Variants in CDH12 observed in about 807,000 individuals in gnomAD.
CDH12 encodes cadherin 12, also known as cadherin-12.
A neutral mutation model predicts 74.1 loss-of-function variants in CDH12; 41 were observed. The ratio of observed to expected loss-of-function variants is 0.55; its 90% CI spans 0.43 to 0.72. The LOEUF is 0.72. CDH12 is among the 30% of genes least tolerant of loss of function. CDH12 has a pLI of 0.00. For missense variants in CDH12, 945 were observed against 977.2 expected (o/e 0.97, Z 0.44); for synonymous variants, 399 against 355.0 (o/e 1.12, Z -1.39).
intron 3 of CDH12, among the ~76,000 whole-genome samples, chr5:22,392,648 G>A (rs555678919): frequency 6.6e-6 from 1 of 152,250 alleles, no homozygotes; most frequent in South Asian, 2.1e-4. Context: ...TCTCATTCAA[G>A]TCATTATTGA....
intron 4 of CDH12, among the ~76,000 whole-genome samples, chr5:22,086,541 G>T (rs1339988705): frequency 1.3e-5 from 2 of 151,394 alleles, no homozygotes; most frequent in Non-Finnish European, 2.9e-5. Context: ...TTGTTTGTTT[G>T]TTTTTTGCAT....
intron 1 of CDH12, among the ~76,000 whole-genome samples, chr5:22,600,498 G>A (rs1371879324): frequency 6.6e-6 from 1 of 152,024 alleles, no homozygotes; most frequent in Non-Finnish European, 1.5e-5. Context: ...TTGCTGTACT[G>A]TAATAATGCT....
At chr5:22,298,882 C>T (rs912411968) in intron 3 of CDH12, among the ~76,000 whole-genome samples, 2 of 152,192 alleles carry the variant, frequency 1.3e-5, no homozygotes, top group African/African-American at 4.8e-5. Context: ...TTCCTCTTGA[C>T]TCCATATAAT....
At chr5:22,741,520 T>A (rs1478043530) in intron 1 of CDH12, among the ~76,000 whole-genome samples, 1 of 152,148 alleles carries the variant, frequency 6.6e-6, no homozygotes, top group Non-Finnish European at 1.5e-5. Flanking sequence ...GAAGTATGTC[T>A]AGAGGTAGGG....
At chr5:21,909,855 AT>A (rs1445746437) in intron 6 of CDH12, among the ~76,000 whole-genome samples, 1 of 152,172 alleles carries the variant, frequency 6.6e-6, no homozygotes, top group Admixed American at 6.5e-5. Flanking sequence ...CTCATTGATT[AT>A]AACATCATCA....
intron 2 of CDH12, among the ~76,000 whole-genome samples, chr5:22,417,435 C>T (rs1743445606): frequency 6.6e-6 from 1 of 152,134 alleles, no homozygotes; most frequent in Admixed American, 6.6e-5. Context: ...AGCCTCTTTC[C>T]TTTTCTTTCT....
At chr5:22,235,324 C>T (rs1223046988) in intron 3 of CDH12, among the ~76,000 whole-genome samples, 1 of 152,094 alleles carries the variant, frequency 6.6e-6, no homozygotes, top group Non-Finnish European at 1.5e-5. Context: ...GCTCACGTCT[C>T]TATTACAGCA....
At chr5:22,194,930 C>T (rs1404919144) in intron 4 of CDH12, among the ~76,000 whole-genome samples, 1 of 151,978 alleles carries the variant, frequency 6.6e-6, no homozygotes, top group Non-Finnish European at 1.5e-5. Context: ...TAAGCGAGCA[C>T]CTTGGGAGTT....
intron 6 of CDH12, among the ~76,000 whole-genome samples, chr5:21,880,062 AT>A (rs1399779126): frequency 6.6e-6 from 1 of 152,232 alleles, no homozygotes; most frequent in African/African-American, 2.4e-5. Flanking sequence ...CCACCTGGCA[AT>A]CTGGAGTCCA....
At chr5:22,685,952 C>T (rs916816339) in intron 1 of CDH12, among the ~76,000 whole-genome samples, 6 of 152,094 alleles carry the variant, frequency 3.9e-5, no homozygotes, top group Non-Finnish European at 8.8e-5. Context: ...TTATAGTTGG[C>T]ATATTGAAGA....
intron 3 of CDH12, among the ~76,000 whole-genome samples, chr5:22,287,829 C>A (rs1248755652): frequency 6.6e-6 from 1 of 151,600 alleles, no homozygotes; most frequent in Non-Finnish European, 1.5e-5. Flanking sequence ...TTTCAGATTT[C>A]TTTTAATGGA....
intron 3 of CDH12, among the ~76,000 whole-genome samples, chr5:22,326,318 T>C (rs1739100608): frequency 6.6e-6 from 1 of 151,948 alleles, no homozygotes; most frequent in Non-Finnish European, 1.5e-5. Flanking sequence ...CACTGCAGGC[T>C]CCGCCCCCCG....
chr5:22,225,053 G>C (rs1287334162), intron 3 of CDH12, among the ~76,000 whole-genome samples: 1 of 151,856 alleles, frequency 6.6e-6, no homozygotes, highest in Admixed American at 6.6e-5. Context: ...AAATTTGTGG[G>C]TTGAAATAAT....
intron 3 of CDH12, among the ~76,000 whole-genome samples, chr5:22,274,835 G>A (rs1457606813): frequency 1.3e-5 from 2 of 152,000 alleles, no homozygotes; most frequent in Non-Finnish European, 2.9e-5. Flanking sequence ...AAAGTTATAT[G>A]CATCTTATTT....
At chr5:22,195,166 C>T (rs1750549038) in intron 4 of CDH12, among the ~76,000 whole-genome samples, 1 of 152,164 alleles carries the variant, frequency 6.6e-6, no homozygotes, top group African/African-American at 2.4e-5. Context: ...AGACCAAGGT[C>T]GTAGCTAGAA....
At chr5:22,077,750 C>T (rs1742430377) in intron 5 of CDH12, among the ~76,000 whole-genome samples, 2 of 151,764 alleles carry the variant, frequency 1.3e-5, no homozygotes, top group Non-Finnish European at 2.9e-5. Flanking sequence ...ATAGTTGCCA[C>T]CGAGTATTTT....
chr5:22,547,591 T>C (rs1464498265), intron 1 of CDH12, among the ~76,000 whole-genome samples: 1 of 152,182 alleles, frequency 6.6e-6, no homozygotes, highest in East Asian at 1.9e-4. Context: ...AAAATTAAAA[T>C]GTACAGTAAC....
intron 1 of CDH12, among the ~76,000 whole-genome samples, chr5:22,534,205 T>A (rs2126708536): frequency 6.6e-6 from 1 of 152,194 alleles, no homozygotes; most frequent in East Asian, 1.9e-4. Context: ...TTTTTTTTAA[T>A]TTTTTTATTT....
intron 1 of CDH12, among the ~76,000 whole-genome samples, chr5:22,615,164 A>C (rs1561529893): frequency 6.6e-6 from 1 of 152,086 alleles, no homozygotes; most frequent in African/African-American, 2.4e-5. Context: ...TTTAGATAAG[A>C]TGTAAAAATG....
Sources: allele counts gnomAD v4.1 joint callset (sites outside exome capture counted in the v4.1 genomes callset), GRCh38; gene constraint gnomAD v4.1.1; transcripts MANE v1.5; gene names NCBI Gene and HGNC (gene_info 2026-07-23, HGNC 2026-07-21).